Variants in RBM27 observed in about 807,000 individuals in gnomAD.
RBM27 encodes the protein RNA-binding protein 27.
Under a neutral mutation model 135.3 loss-of-function variants are expected in RBM27, and 22 were observed. The ratio of observed to expected loss-of-function variants is 0.16; its 90% confidence interval spans 0.12 to 0.23. RBM27 has a LOEUF of 0.23. Ranked by LOEUF, RBM27 falls within the 10% of genes least tolerant of loss-of-function variation. The pLI is 1.00. For missense variants in RBM27, 1,009 were observed against 1,281.0 expected (o/e 0.79, Z 3.24); for synonymous variants, 481 against 442.4 (o/e 1.09, Z -1.10).
At position 146,203,661 on chromosome 5, in the gene RBM27, G is replaced by A. The variant is rs916026529; in HGVS notation, c.-105G>A. On this transcript the variant is annotated 5_prime_UTR_variant, in exon 1 of 21. Transcript: ENST00000265271. Reference sequence around the variant, plus strand: ...GTTGAAGTCTCCTAAGATGCCCGGTGGGCTGGGGCACCGGGAGCTGTGAAG... The same window carrying A: ...GTTGAAGTCTCCTAAGATGCCCGGTAGGCTGGGGCACCGGGAGCTGTGAAG... The A allele has an allele frequency of 1.9e-6, 2 of 1,063,786 alleles. No individual in the cohort carries two copies. The allele number at this position is 1,063,786 out of a possible 1,614,324, so 65.9% of individuals were successfully genotyped here.
At chr5:146,210,864 G>A (rs532796751) in intron 1 of RBM27, among the ~76,000 whole-genome samples, 1 of 151,920 alleles carries the variant, frequency 6.6e-6, no homozygotes, top group Non-Finnish European at 1.5e-5. Context: ...GGAGAATGAC[G>A]TGAACCTGGG....
Position 146,261,796 on chromosome 5 carries a change from G to A in RBM27, c.2180G>A (p.Gly727Asp). The change falls in exon 13 of 21, where the codon GGT becomes GAT. Residue 727 changes from glycine (G) to aspartate (D), a missense_variant. Gly to Asp is a moderately conservative substitution (Grantham distance 94). Around this residue, in one of 6 missense-constraint regions of RBM27, gnomAD observed 355 missense variants for 427.3 expected, o/e 0.83. Transcript: ENST00000265271. ...AQSAPSTVHG[G>D]IQKMMSKPQT... ...TCTGCTCCTTCAACAGTGCACGGAG[G>A]TATCCAGAAGGTAATCTGGTTCACT... 1 of 1,614,104 alleles carries A rather than the reference G, an allele frequency of 6.2e-7. No homozygotes were observed. Among genetic ancestry groups the A allele is most frequent in the Non-Finnish European group, 8.5e-7 (1 of 1,179,976 alleles).
chr5:146,206,378 T>TC (rs140780359), intron 1 of RBM27, among the ~76,000 whole-genome samples: 3,561 of 146,840 alleles, frequency 0.024, 161 homozygotes, highest in African/African-American at 0.085. Context: ...TTTTTTTTTT[T>TC]CCTTCTTTTT....
intron 1 of RBM27, among the ~76,000 whole-genome samples, chr5:146,206,924 T>C (rs967124309): frequency 6.6e-6 from 1 of 152,188 alleles, no homozygotes; most frequent in Admixed American, 6.5e-5. Flanking sequence ...CAGTTTTGAA[T>C]GGAGATATTA....
intron 6 of RBM27, among the ~76,000 whole-genome samples, chr5:146,231,908 C>G (rs2126755868): frequency 6.6e-6 from 1 of 152,322 alleles, no homozygotes; most frequent in East Asian, 1.9e-4. Flanking sequence ...AGCCACCATG[C>G]CCAGCCAGGA....
At chr5:146,254,588 A>G (rs1417057577) in intron 9 of RBM27, among the ~76,000 whole-genome samples, 1 of 152,206 alleles carries the variant, frequency 6.6e-6, no homozygotes, top group Non-Finnish European at 1.5e-5. Flanking sequence ...AACCAGTACA[A>G]TAATTAAAAG....
intron 1 of RBM27, among the ~76,000 whole-genome samples, chr5:146,211,550 C>T (rs542188094): frequency 4.5e-5 from 6 of 132,296 alleles, no homozygotes; most frequent in Non-Finnish European, 6.2e-5. Context: ...GGCATGATCT[C>T]GGCTCACCAC....
intron 1 of RBM27, among the ~76,000 whole-genome samples, chr5:146,218,719 C>T (rs1051990332): frequency 2.0e-5 from 3 of 152,142 alleles, no homozygotes; most frequent in Admixed American, 6.6e-5. Flanking sequence ...ATTGAGAGAA[C>T]AAATAAATGT....
At chr5:146,272,690 C>T (rs1267582145) in intron 19 of RBM27, among the ~76,000 whole-genome samples, 1 of 151,040 alleles carries the variant, frequency 6.6e-6, no homozygotes, top group African/African-American at 2.4e-5. Flanking sequence ...CCATTGCACA[C>T]CAGCCTGGGC....
In RBM27 at chr5:146,267,747, A is replaced by G; in HGVS notation, c.2430A>G (p.Gln810=). The change falls in exon 15 of 21, where the codon CAA becomes CAG. Residue 810 remains glutamine (Q), a synonymous_variant. Transcript: ENST00000265271. ...CAGGGTCTAAATCTCATGATGTTCA[A>G]GAAGTGCTTAAAAAAAAACAGGTAA... ...LCSGSKSHDV[Q]EVLKKKQEAM... is the part of the protein sequence containing the mutation. 1 of 1,606,096 alleles carries G rather than the reference A, an allele frequency of 6.2e-7. No homozygotes were observed. Among genetic ancestry groups the G allele is most frequent in the Non-Finnish European group, 8.5e-7 (1 of 1,177,596 alleles).
At position 146,288,614 on chromosome 5, in the gene RBM27, G is replaced by T. The variant is rs1336506284; in HGVS notation, c.*2584G>T. 1 of 152,044 alleles carries T rather than the reference G, an allele frequency of 6.6e-6. No individual in the cohort carries two copies. The highest frequency in any genetic ancestry group is 1.5e-5 in the Non-Finnish European group (1 of 67,940). The allele number at this position is 152,044 out of a possible 1,614,324, so 9.4% of individuals were successfully genotyped here. On this transcript the variant is annotated 3_prime_UTR_variant, in exon 21 of 21. Coordinates refer to ENST00000265271, the MANE Select transcript of RBM27 (RefSeq NM_018989.2). ...TGTTTTCTTGGCATCTTCATTTACAGAAATAACATACAGCATCTAAAGCAA... is the reference window on the plus strand; with the variant it reads ...TGTTTTCTTGGCATCTTCATTTACATAAATAACATACAGCATCTAAAGCAA...
intron 11 of RBM27, among the ~76,000 whole-genome samples, chr5:146,260,160 G>A (rs909701076): frequency 1.3e-5 from 2 of 151,836 alleles, no homozygotes; most frequent in Non-Finnish European, 2.9e-5. Context: ...TTAGTCGTGC[G>A]TGTTGGCATG....
chr5:146,223,999 A>G (rs1756564673), intron 3 of RBM27, among the ~76,000 whole-genome samples: 1 of 152,258 alleles, frequency 6.6e-6, no homozygotes, highest in African/African-American at 2.4e-5. Context: ...ATAATATTGA[A>G]GTATGAAAAC....
intron 10 of RBM27, among the ~76,000 whole-genome samples, chr5:146,257,810 GTT>G (rs879802758): frequency 1.4e-5 from 2 of 139,808 alleles, no homozygotes; most frequent in Admixed American, 7.2e-5. Flanking sequence ...CATTGTTTTT[GTT>G]TTTTTTTTTT....
chr5:146,229,121 A>G (rs1265148839), intron 4 of RBM27, 84 bp downstream of exon 4: 2 of 927,818 alleles, frequency 2.2e-6, no homozygotes, highest in African/African-American at 1.7e-5. Flanking sequence ...TTTTTAATAT[A>G]TATACTTACT....
chr5:146,230,296 G>T (rs1756872937), intron 5 of RBM27, among the ~76,000 whole-genome samples: 1 of 152,140 alleles, frequency 6.6e-6, no homozygotes, highest in African/African-American at 2.4e-5. Context: ...AAAATTAAAT[G>T]GATAAAATAA....
intron 15 of RBM27, among the ~76,000 whole-genome samples, chr5:146,268,074 A>G (rs1164034235): frequency 6.6e-6 from 1 of 152,050 alleles, no homozygotes; most frequent in Non-Finnish European, 1.5e-5. Context: ...ATTATTATCT[A>G]TATGATTCAG....
At chr5:146,253,225 T>G (rs994951596) in intron 9 of RBM27, among the ~76,000 whole-genome samples, 3 of 152,138 alleles carry the variant, frequency 2.0e-5, no homozygotes, top group African/African-American at 7.2e-5. Context: ...CTCGAACTCC[T>G]GACCTCGTGA....
chr5:146,226,717 CA>C (rs1022734665), intron 3 of RBM27, among the ~76,000 whole-genome samples: 7 of 151,874 alleles, frequency 4.6e-5, no homozygotes, highest in Admixed American at 6.6e-5. Context: ...TAAAAAAAAA[CA>C]AAACTGTTAT....
Sources: allele counts gnomAD v4.1 joint callset (sites outside exome capture counted in the v4.1 genomes callset), GRCh38; gene constraint gnomAD v4.1.1; regional missense constraint gnomAD v4.1.1; transcripts MANE v1.5; gene names NCBI Gene and HGNC (gene_info 2026-07-23, HGNC 2026-07-21).